The following NOC2L variants were observed in gnomAD, a reference collection of about 807,000 sequenced individuals.
NOC2L encodes the protein nucleolar complex protein 2 homolog.
Under a neutral mutation model 94.2 loss-of-function variants are expected in NOC2L, and 101 were observed. The observed-to-expected ratio is 1.07, with a 90% confidence interval of 0.91 to 1.26. The LOEUF (loss-of-function observed/expected upper bound fraction) is 1.26, where lower values mean the gene tolerates loss of function less well. Ranked by LOEUF, NOC2L falls within the 50% of genes most tolerant of loss-of-function variation. NOC2L has a pLI of 0.00. For missense variants in NOC2L, 1,076 were observed against 980.1 expected, an observed-to-expected ratio of 1.10 and a Z score of -1.31; for synonymous variants, 531 against 413.4, an observed-to-expected ratio of 1.28 and a Z score of -3.45.
At chr1:950,360 C>T (rs1642222667) in intron 12 of NOC2L, among the ~76,000 whole-genome samples, 1 of 152,100 alleles carries the variant, frequency 6.6e-6, no homozygotes, top group African/African-American at 2.4e-5. Flanking sequence ...AAGGTTCATG[C>T]ATGCACAGGT....
chr1:947,727 G>C (rs181535230), intron 14 of NOC2L, among the ~76,000 whole-genome samples: 99 of 152,302 alleles, frequency 6.5e-4, no homozygotes, highest in African/African-American at 2.1e-3. Flanking sequence ...TATTTGGCGG[G>C]GCAGGCCAGG....
rs760797512 is a variant in NOC2L, at chr1:946,532, A to G, written c.1673T>C (p.Leu558Pro). The change falls in exon 15 of 19, where the codon CTC (leucine) becomes CCC (proline). Residue 558 changes from leucine to proline, a missense_variant. Physicochemically the swap from Leu to Pro is moderately conservative, Grantham distance 98. This residue lies in a region of NOC2L where 615 missense variants were observed against 577.4 expected (regional missense o/e 1.07). Transcript: ENST00000327044. ...GTAGTTGGCCACCTTGCACTCCCGG[A>G]GGAACGACTTCAGCTGCGGAAGGGA... ...LPVVLQLKSF[L>P]RECKVANYCR... 1 of 1,612,424 alleles carries G rather than the reference A, an allele frequency of 6.2e-7. No individual in the cohort carries two copies. The highest frequency in any genetic ancestry group is 2.2e-5 in the East Asian group (1 of 44,864).
In NOC2L at chr1:945,041, C is replaced by A; in HGVS notation, c.2143+16G>T. 1 of 1,614,132 alleles carries A rather than the reference C, an allele frequency of 6.2e-7. No individual in the cohort carries two copies. The highest frequency in any genetic ancestry group is 1.1e-5 in the South Asian group (1 of 91,082). ...GGGCTCACAGGGCCACACCCTCTCA[C>A]CCCAAGACCATTCACCCTCCGAGTT... is the stretch of plus-strand genomic sequence containing the variant. On this transcript the variant is annotated intron_variant, in intron 18 of 18. Coordinates refer to ENST00000327044, the MANE Select transcript of NOC2L (RefSeq NM_015658.4).
In NOC2L at chr1:946,287, CT is replaced by C. The variant is rs1557615513; in HGVS notation, c.1804-2del. ...CCCGGGTCAGCTTCTCCCAGGCTTC[CT>C]GGGGGGTTGGGGGAGTTCAGGGTCA... On this transcript the variant is annotated splice_acceptor_variant, in intron 15 of 18. Transcript: ENST00000327044. LOFTEE classifies it high-confidence loss of function. 6 of 1,613,264 alleles carry C rather than the reference CT, an allele frequency of 3.7e-6. No homozygotes were observed. Among genetic ancestry groups the C allele is most frequent in the Non-Finnish European group, 5.1e-6 (6 of 1,179,522 alleles).
chr1:950,683 C>T (rs1361754676), intron 12 of NOC2L, among the ~76,000 whole-genome samples: 1 of 151,974 alleles, frequency 6.6e-6, no homozygotes, highest in African/African-American at 2.4e-5. Context: ...ATTTACAGAC[C>T]CATGCACCCA....
At position 951,211 on chromosome 1, in the gene NOC2L, C is replaced by T. The variant is rs1433972914; in HGVS notation, c.1359G>A (p.Pro453=). 8 of 1,590,526 alleles carry T rather than the reference C, an allele frequency of 5.0e-6. No homozygotes were observed. Among genetic ancestry groups the T allele is most frequent in the East Asian group, 2.3e-5 (1 of 43,730 alleles). Reference sequence around the variant, plus strand: ...GGGCACGGATGCAGTGCATTCGCAGCGGGTAGAAGCGGGCAGTGGGGATGA... The same window carrying T: ...GGGCACGGATGCAGTGCATTCGCAGTGGGTAGAAGCGGGCAGTGGGGATGA... ...IKLIPTARFY[P]LRMHCIRALT... The change falls in exon 12 of 19, where the codon CCG becomes CCA. Residue 453 remains proline (P), a synonymous_variant. Coordinates refer to ENST00000327044, the MANE Select transcript of NOC2L (RefSeq NM_015658.4).
chr1:946,373 A>G, intron 15 of NOC2L, 29 bp downstream of exon 15: 1 of 1,613,148 alleles, frequency 6.2e-7, no homozygotes, highest in South Asian at 1.1e-5. Flanking sequence ...AGGTGCCCTC[A>G]GGTGGCACTA....
chr1:955,910 C>T lies in NOC2L; in HGVS notation c.698+13G>A, dbSNP rs752389802. ...CCTTCCACCCTACCCCCCTTCACCC[C>T]CTCCCCTCTTACCTGCTGCTATCCT... On this transcript the variant is annotated intron_variant, in intron 6 of 18. Coordinates refer to ENST00000327044, the MANE Select transcript of NOC2L (RefSeq NM_015658.4). The T allele has an allele frequency of 1.2e-6, 2 of 1,608,200 alleles. No individual in the cohort carries two copies. The highest frequency in any genetic ancestry group is 8.5e-7 in the Non-Finnish European group (1 of 1,174,744).
chr1:959,093 G>A lies in NOC2L; in HGVS notation c.27-12C>T, dbSNP rs530735167. On this transcript the variant is annotated splice_polypyrimidine_tract_variant and intron_variant, in intron 1 of 18. Transcript: ENST00000327044. The stretch of plus-strand genomic sequence containing the variant: ...GCTCCGCCAGGCGCCTGCGGGTCAC[G>A]CAGGAGTCACAGCTGCCCGCACGCC... 3.1e-6 allele frequency: 5 copies of A among 1,609,364 alleles called. No homozygotes were observed. In the Admixed American group the frequency reaches 8.4e-5, roughly 27 times the overall value.
In NOC2L at chr1:945,116, C is replaced by G; in HGVS notation, c.2084G>C (p.Gly695Ala). Residue 695 changes from glycine (G) to alanine (A), a missense_variant, in exon 18 of 19, where the codon GGG becomes GCG. Physicochemically the swap from Gly to Ala is moderately conservative, Grantham distance 60 (BLOSUM62 0). Coordinates refer to ENST00000327044, the MANE Select transcript of NOC2L (RefSeq NM_015658.4). ...CTCGTCCTCTTCATCGTCTTCCACC[C>G]CATGCCGAGTGCTCAGGGGCCTCAG... ...GILRPLSTRHGVEDDEEDEEE... is the reference protein window; with the variant it reads ...GILRPLSTRHAVEDDEEDEEE... 6.2e-7 allele frequency: 1 copy of G among 1,613,066 alleles called. No homozygotes were observed. Among genetic ancestry groups the G allele is most frequent in the Non-Finnish European group, 8.5e-7 (1 of 1,179,484 alleles).
intron 12 of NOC2L, among the ~76,000 whole-genome samples, chr1:950,380 C>A (rs1642223349): frequency 6.6e-6 from 1 of 151,568 alleles, no homozygotes; most frequent in South Asian, 2.1e-4. Flanking sequence ...TAGACACATG[C>A]AGACGCAAAT....
intron 4 of NOC2L, 148 bp from the exon 5 acceptor site, chr1:956,363 A>C (rs1642401385): frequency 8.3e-6 from 7 of 841,808 alleles, no homozygotes; most frequent in Non-Finnish European, 1.3e-5. Context: ...CATACTGATA[A>C]CAAAAATGGA....
rs58979014 is a variant in NOC2L, at chr1:948,319, C to T, written c.1558-87G>A. 8,793 of 1,216,038 alleles carry T rather than the reference C, an allele frequency of 7.2e-3. 358 individuals are homozygous for T. In the African/African-American group the frequency reaches 0.097, roughly 13 times the overall value. 75.3% of individuals were successfully genotyped at this position (1,216,038 alleles called of 1,614,324 possible). ...CCTTCCCCTCAGGCTGTCAGGGCAG[C>T]GCCATCTCCAGGGCACGGACTGCAA... is the stretch of plus-strand genomic sequence containing the variant. On this transcript the variant is annotated intron_variant, in intron 13 of 18. Coordinates refer to ENST00000327044, the MANE Select transcript of NOC2L (RefSeq NM_015658.4).
At position 945,074 on chromosome 1, in the gene NOC2L, T is replaced by C. The variant is rs772716810; in HGVS notation, c.2126A>G (p.Asp709Gly). ...DEEDEEEGEE[D>G]SSNSEDGDPD... is the part of the protein sequence containing the mutation. ...CCATTCACCCTCCGAGTTGCTGCTG[T>C]CCTCCTCGCCCTCCTCCTCGTCCTC... The change falls in exon 18 of 19, where the codon GAC becomes GGC. Residue 709 changes from aspartate to glycine, a missense_variant. By Grantham distance (94) the Asp-to-Gly change is moderately conservative. Around this residue, in one of 3 missense-constraint regions of NOC2L, gnomAD observed 615 missense variants for 577.4 expected, o/e 1.07. Coordinates refer to ENST00000327044, the MANE Select transcript of NOC2L (RefSeq NM_015658.4). 1 of 1,613,944 alleles carries C rather than the reference T, an allele frequency of 6.2e-7. No individual in the cohort carries two copies. Among genetic ancestry groups the C allele is most frequent in the South Asian group, 1.1e-5 (1 of 91,048 alleles).
chr1:957,611 G>C, intron 2 of NOC2L: 1 of 297,992 alleles, frequency 3.4e-6, no homozygotes, highest in Non-Finnish European at 6.4e-6. Flanking sequence ...CAGAGGCTCA[G>C]ACTAAAGGCA....
chr1:953,481 G>A (rs577345272), intron 8 of NOC2L, among the ~76,000 whole-genome samples, 193 bp from the exon 9 acceptor site: 1 of 152,264 alleles, frequency 6.6e-6, no homozygotes, highest in South Asian at 2.1e-4. Flanking sequence ...CTTGTGAGAA[G>A]AGGACCACAA....
At chr1:951,299 C>G (rs908358428) in intron 11 of NOC2L, 61 bp from the exon 12 acceptor site, 28 of 1,316,782 alleles carry the variant, frequency 2.1e-5, no homozygotes, top group Non-Finnish European at 3.0e-5. Flanking sequence ...GCCCCTCCCC[C>G]TGCTGTCTTG....
rs183335051 is a variant in NOC2L, at chr1:953,937, G to A, written c.778-45C>T. The A allele has an allele frequency of 2.4e-4, 381 of 1,606,166 alleles. 1 individual carries two copies. Among genetic ancestry groups the A allele is most frequent in the Non-Finnish European group, 3.0e-4 (347 of 1,174,620 alleles). ...GTGAAGCCCCAAACCCATGTATTCT[G>A]GGATACAAAAAAGGACCGACCACCA... On this transcript the variant is annotated intron_variant, in intron 7 of 18. Transcript: ENST00000327044.
intron 12 of NOC2L, among the ~76,000 whole-genome samples, chr1:948,998 G>A (rs1642186539): frequency 6.6e-6 from 1 of 151,870 alleles, no homozygotes. Context: ...CCTCAGCACA[G>A]CAATGCCACA....
Sources: allele counts gnomAD v4.1 joint callset (sites outside exome capture counted in the v4.1 genomes callset), GRCh38; gene constraint gnomAD v4.1.1; regional missense constraint gnomAD v4.1.1; transcripts MANE v1.5; gene names NCBI Gene and HGNC (gene_info 2026-07-23, HGNC 2026-07-21).